Variants in SLC9A7 observed in about 807,000 individuals in gnomAD.
SLC9A7 encodes the protein sodium/hydrogen exchanger 7.
A neutral mutation model predicts 52.6 loss-of-function variants in SLC9A7; 19 were observed. The observed-to-expected ratio is 0.36, with a 90% CI of 0.25 to 0.53. The LOEUF (loss-of-function observed/expected upper bound fraction) is 0.53, where lower values mean the gene tolerates loss of function less well. Ranked by LOEUF, SLC9A7 falls within the 20% of genes least tolerant of loss-of-function variation. The pLI, the probability that SLC9A7 is intolerant of heterozygous loss-of-function variation, is 0.91. For missense variants in SLC9A7, 455 were observed against 597.9 expected (o/e 0.76, Z 2.49); for synonymous variants, 226 against 252.1 (o/e 0.90, Z 0.98).
intron 14 of SLC9A7, among the ~76,000 whole-genome samples, chrX:46,624,169 A>C (rs761534885): frequency 8.0e-5 from 9 of 112,300 alleles, no homozygotes; most frequent in African/African-American, 2.9e-4. Context: ...ACAAACTGGT[A>C]ATGGTAAAAG....
intron 1 of SLC9A7, among the ~76,000 whole-genome samples, chrX:46,706,506 G>T (rs1335919920): frequency 9.0e-6 from 1 of 110,539 alleles, no homozygotes; most frequent in Non-Finnish European, 1.9e-5. Context: ...AACTTTAAAG[G>T]AGCAGTTCTA....
At chrX:46,703,593 G>A (rs1602249571) in intron 1 of SLC9A7, among the ~76,000 whole-genome samples, 1 of 111,814 alleles carries the variant, frequency 8.9e-6, no homozygotes, top group South Asian at 3.7e-4. Flanking sequence ...TCTGGCTGTT[G>A]CTCACTTATT....
At chrX:46,656,597 C>T (rs1234338414) in intron 7 of SLC9A7, among the ~76,000 whole-genome samples, 1,270 of 111,642 alleles carry the variant, frequency 0.011, 18 homozygotes, top group Non-Finnish European at 0.016. Flanking sequence ...GGAGCTGATG[C>T]GATCAACTGG....
At chrX:46,699,436 A>G (rs766318055) in intron 1 of SLC9A7, among the ~76,000 whole-genome samples, 2 of 111,471 alleles carry the variant, frequency 1.8e-5, no homozygotes, top group African/African-American at 3.3e-5. Context: ...TGAAAACTAG[A>G]ACCAAGGAGG....
chrX:46,736,227 C>G (rs1317440426), intron 1 of SLC9A7, among the ~76,000 whole-genome samples: 2 of 112,131 alleles, frequency 1.8e-5, no homozygotes, highest in Non-Finnish European at 3.8e-5. Flanking sequence ...TTGACTCTTA[C>G]AGTCCACAGT....
intron 7 of SLC9A7, among the ~76,000 whole-genome samples, chrX:46,660,520 A>C (rs1263041020): frequency 9.0e-6 from 1 of 110,597 alleles, no homozygotes; most frequent in Non-Finnish European, 1.9e-5. Context: ...AAACAAATTT[A>C]CAAGAAAAAA....
chrX:46,698,133 G>A (rs1291355634), intron 1 of SLC9A7, among the ~76,000 whole-genome samples: 2 of 111,820 alleles, frequency 1.8e-5, no homozygotes, highest in African/African-American at 6.5e-5. Flanking sequence ...ATTTCGTCCC[G>A]GTCCTGTGGT....
At chrX:46,655,539 C>T (rs184235567) in intron 7 of SLC9A7, among the ~76,000 whole-genome samples, 2,613 of 111,757 alleles carry the variant, frequency 0.023, 84 homozygotes, top group African/African-American at 0.079. Context: ...CGAAGCAGGG[C>T]GAGGCACTGC....
chrX:46,677,847 G>A (rs1353238943), intron 3 of SLC9A7, among the ~76,000 whole-genome samples: 1 of 111,934 alleles, frequency 8.9e-6, no homozygotes, highest in African/African-American at 3.2e-5. Context: ...ATGGGTGTGT[G>A]GAAAGGTTTT....
At chrX:46,680,423 A>G (rs1304700238) in intron 2 of SLC9A7, among the ~76,000 whole-genome samples, 1 of 110,731 alleles carries the variant, frequency 9.0e-6, no homozygotes, top group Non-Finnish European at 1.9e-5. Context: ...TGCCGTCGTG[A>G]TTCTTTATTA....
chrX:46,695,097 T>C (rs1387729068), intron 1 of SLC9A7, among the ~76,000 whole-genome samples: 1 of 112,481 alleles, frequency 8.9e-6, no homozygotes, highest in Non-Finnish European at 1.9e-5. Flanking sequence ...ATTGGGATGA[T>C]TAAGATATTC....
intron 1 of SLC9A7, among the ~76,000 whole-genome samples, chrX:46,692,469 A>G (rs1944393650): frequency 1.8e-5 from 2 of 110,857 alleles, no homozygotes; most frequent in African/African-American, 6.6e-5. Flanking sequence ...GTTGCCCCAC[A>G]CTCATTTTAT....
intron 16 of SLC9A7, among the ~76,000 whole-genome samples, chrX:46,609,147 C>T (rs1302566295): frequency 8.9e-6 from 1 of 111,766 alleles, no homozygotes; most frequent in African/African-American, 3.3e-5. Context: ...AGGTTTGGAG[C>T]CATGGAAGGA....
intron 7 of SLC9A7, among the ~76,000 whole-genome samples, 162 bp from the exon 8 acceptor site, chrX:46,653,876 C>T (rs1206558999): frequency 9.4e-6 from 1 of 106,937 alleles, no homozygotes; most frequent in African/African-American, 3.4e-5. Flanking sequence ...TTAAGTAATA[C>T]AAATTAAGCT....
At chrX:46,688,597 CAAAAA>C (rs763251903) in intron 1 of SLC9A7, among the ~76,000 whole-genome samples, 1 of 35,591 alleles carries the variant, frequency 2.8e-5, no homozygotes. Flanking sequence ...AACTCCGCCT[CAAAAA>C]AAAAAAAAAA....
chrX:46,714,054 A>T (rs939851750), intron 1 of SLC9A7, among the ~76,000 whole-genome samples: 2 of 111,460 alleles, frequency 1.8e-5, no homozygotes, highest in Non-Finnish European at 3.8e-5. Context: ...CAGAAAAAGT[A>T]CATTTTAGTA....
At chrX:46,636,817 T>C (rs1164686043) in intron 12 of SLC9A7, among the ~76,000 whole-genome samples, 2 of 111,870 alleles carry the variant, frequency 1.8e-5, no homozygotes, top group Non-Finnish European at 3.8e-5. Context: ...TGAGAACTAC[T>C]TCACTAGACA....
Position 46,655,318 on chromosome X carries a change from T to C in SLC9A7, c.1042-1604A>G, listed in dbSNP as rs146060770. On this transcript the variant is annotated intron_variant, in intron 7 of 16. Coordinates refer to ENST00000616978, the MANE Select transcript of SLC9A7 (RefSeq NM_001257291.2). ...ATATTTCAAAGGCTTGGAACAAAGA[T>C]TGAATGTATAAAATCTCATTAATTA... is the stretch of plus-strand genomic sequence containing the variant. 8.7e-3 allele frequency among the ~76,000 whole-genome samples: 971 copies of C among 111,811 alleles called. 3 individuals carry two copies. The highest frequency in any genetic ancestry group is 0.011 in the Non-Finnish European group (579 of 53,118).
At chrX:46,717,002 G>GCATC (rs1256084206) in intron 1 of SLC9A7, among the ~76,000 whole-genome samples, 12 of 111,930 alleles carry the variant, frequency 1.1e-4, no homozygotes, top group Non-Finnish European at 2.1e-4. Context: ...ATGGCAACAC[G>GCATC]CATCCACCAG....
Sources: gnomAD v4.1 joint callset for allele counts (sites outside exome capture counted in the v4.1 genomes callset) on GRCh38, gnomAD v4.1.1 for gene constraint, MANE v1.5 for transcripts, NCBI Gene and HGNC (gene_info 2026-07-23, HGNC 2026-07-21) for gene names.